Variants in TBC1D1 observed in about 807,000 individuals in gnomAD.
The protein encoded by TBC1D1 is TBC1 domain family member 1.
In TBC1D1, 89 loss-of-function variants were observed where a neutral mutation model predicts 125.6. The observed-to-expected ratio is 0.71, with a 90% CI of 0.60 to 0.85. TBC1D1 has a LOEUF of 0.85. TBC1D1 is among the 40% of genes least tolerant of loss of function. The probability of loss-of-function intolerance (pLI) is 0.00; values close to 1 mark genes in which losing one functional copy is unlikely to be tolerated. For missense variants in TBC1D1, 1,377 were observed against 1,469.2 expected, an observed-to-expected ratio of 0.94 and a Z score of 1.03; for synonymous variants, 565 against 564.1, an observed-to-expected ratio of 1.00 and a Z score of -0.02.
At chr4:38,021,171 C>T (rs1743938993) in intron 5 of TBC1D1, among the ~76,000 whole-genome samples, 1 of 152,178 alleles carries the variant, frequency 6.6e-6, no homozygotes, top group Admixed American at 6.5e-5. Context: ...TGGCAGCAGG[C>T]AGGGCAGCGT....
Position 37,902,304 on chromosome 4 carries a change from C to G in TBC1D1, c.209C>G (p.Pro70Arg). 1 of 1,614,086 alleles carries G rather than the reference C, an allele frequency of 6.2e-7. No individual in the cohort carries two copies. ...AAGCAAGTCCGGCTTTGCGTTTCAC[C>G]CTCTGGACTGAGATGTGAACCTGAG... Residue 70 changes from proline (P) to arginine (R), a missense_variant, in exon 2 of 20, where the codon CCC becomes CGC. Around this residue, in one of 3 missense-constraint regions of TBC1D1, gnomAD observed 822 missense variants for 824.6 expected, o/e 1.00. Transcript: ENST00000261439.
intron 2 of TBC1D1, among the ~76,000 whole-genome samples, chr4:37,946,177 A>T (rs192398085): frequency 1.1e-4 from 17 of 152,382 alleles, no homozygotes; most frequent in Admixed American, 1.1e-3. Flanking sequence ...CATACAAATG[A>T]AACTCAGCAG....
intron 2 of TBC1D1, among the ~76,000 whole-genome samples, chr4:37,987,017 A>G (rs1735611729): frequency 6.6e-6 from 1 of 152,136 alleles, no homozygotes; most frequent in Non-Finnish European, 1.5e-5. Context: ...CCATTCACTG[A>G]GTGCTCCTGT....
chr4:38,051,820 T>C, intron 11 of TBC1D1, 79 bp from the exon 12 acceptor site: 1 of 1,417,868 alleles, frequency 7.1e-7, no homozygotes, highest in East Asian at 2.5e-5. Flanking sequence ...GGTGTGCTCC[T>C]TCCACCTGTT....
chr4:38,055,785 A>G (rs1578463431), intron 12 of TBC1D1, among the ~76,000 whole-genome samples: 1 of 152,266 alleles, frequency 6.6e-6, no homozygotes, highest in East Asian at 1.9e-4. Context: ...CTTACCGCAA[A>G]GAAGGGCTCT....
intron 19 of TBC1D1, among the ~76,000 whole-genome samples, chr4:38,133,850 G>C (rs1766014231): frequency 6.6e-6 from 1 of 152,170 alleles, no homozygotes; most frequent in Non-Finnish European, 1.5e-5. Flanking sequence ...AGGGTGTGCA[G>C]AGCAAGCACT....
intron 2 of TBC1D1, among the ~76,000 whole-genome samples, chr4:37,967,306 G>A (rs1578083327): frequency 6.6e-6 from 1 of 152,028 alleles, no homozygotes; most frequent in Non-Finnish European, 1.5e-5. Flanking sequence ...ACCAGCCTGG[G>A]CAACATGGTG....
At chr4:38,114,423 A>T (rs992886799) in intron 15 of TBC1D1, among the ~76,000 whole-genome samples, 1 of 152,252 alleles carries the variant, frequency 6.6e-6, no homozygotes, top group African/African-American at 2.4e-5. Flanking sequence ...CAGGAAGCTG[A>T]GGAAGAGCCC....
At chr4:37,959,095 G>A (rs1435416230) in intron 2 of TBC1D1, among the ~76,000 whole-genome samples, 3 of 152,130 alleles carry the variant, frequency 2.0e-5, no homozygotes, top group African/African-American at 7.2e-5. Flanking sequence ...TGATACCTTT[G>A]AATGGCCCTT....
intron 2 of TBC1D1, among the ~76,000 whole-genome samples, chr4:37,943,257 C>T (rs1038774609): frequency 6.6e-6 from 1 of 152,200 alleles, no homozygotes; most frequent in Non-Finnish European, 1.5e-5. Flanking sequence ...TTCTCTCTGG[C>T]TGCCCTTAAC....
rs377232144 is a variant in TBC1D1 at position 38,108,193 on chromosome 4, C to T, written c.2557+5036C>T. Among the ~76,000 whole-genome samples the T allele has an allele frequency of 1.1e-3, 165 of 152,312 alleles. 1 individual carries two copies. In the South Asian group the frequency reaches 0.025, roughly 23 times the overall value. On this transcript the variant is annotated intron_variant, in intron 15 of 19. Transcript: ENST00000261439. The stretch of plus-strand genomic sequence containing the variant: ...GGGGCTCCCACTGTCGTCCTGACCA[C>T]GCTGGGGGCTGCCAGTGACACTGGG...
chr4:37,960,785 C>T (rs377286613), intron 2 of TBC1D1: 168 of 1,614,038 alleles, frequency 1.0e-4, no homozygotes, highest in Non-Finnish European at 1.4e-4. Flanking sequence ...TAGAAAAATT[C>T]TTTCCCTTCA....
chr4:37,986,830 G>C (rs539851749), intron 2 of TBC1D1, among the ~76,000 whole-genome samples: 74 of 152,008 alleles, frequency 4.9e-4, no homozygotes, highest in Non-Finnish European at 1.0e-3. Context: ...CTGAGTAGTC[G>C]GGTTGGGGTG....
intron 1 of TBC1D1, among the ~76,000 whole-genome samples, chr4:37,899,155 G>GCTGCTGTCATC (rs1715292017): frequency 6.6e-6 from 1 of 151,752 alleles, no homozygotes; most frequent in Admixed American, 6.6e-5. Context: ...GAAAAAGAAA[G>GCTGCTGTCATC]AGTAGTTGGT....
chr4:37,981,619 G>A (rs892886889), intron 2 of TBC1D1, among the ~76,000 whole-genome samples: 1 of 152,112 alleles, frequency 6.6e-6, no homozygotes, highest in African/African-American at 2.4e-5. Context: ...CTGGTGAGAG[G>A]GCAGGAAACA....
intron 2 of TBC1D1, among the ~76,000 whole-genome samples, chr4:37,931,711 C>T (rs376787220): frequency 2.6e-5 from 4 of 151,746 alleles, no homozygotes; most frequent in East Asian, 2.0e-4. Flanking sequence ...CTCTTGACCT[C>T]GTGATCCACC....
chr4:38,041,633 CAAAA>C (rs964401198), intron 8 of TBC1D1, among the ~76,000 whole-genome samples: 1 of 151,660 alleles, frequency 6.6e-6, no homozygotes, highest in Non-Finnish European at 1.5e-5. Context: ...GTGAGTGAAT[CAAAA>C]AAAATTTGTC....
chr4:38,072,341 C>T (rs1015035290), intron 12 of TBC1D1, among the ~76,000 whole-genome samples: 5 of 152,222 alleles, frequency 3.3e-5, no homozygotes, highest in African/African-American at 1.2e-4. Context: ...TGCCCACCCA[C>T]ATTTTCTGAG....
intron 13 of TBC1D1, among the ~76,000 whole-genome samples, chr4:38,091,885 T>C (rs1030665664): frequency 6.6e-6 from 1 of 152,286 alleles, no homozygotes; most frequent in African/African-American, 2.4e-5. Flanking sequence ...ATCTGGCTTC[T>C]TGGCAGTGTT....
Sources: allele counts gnomAD v4.1 joint callset (sites outside exome capture counted in the v4.1 genomes callset), GRCh38; gene constraint gnomAD v4.1.1; regional missense constraint gnomAD v4.1.1; transcripts MANE v1.5; gene names NCBI Gene and HGNC (gene_info 2026-07-23, HGNC 2026-07-21).